Variants in SLC1A7 observed in about 807,000 individuals in gnomAD.
The protein encoded by SLC1A7 is solute carrier family 1 member 7.
SLC1A7 carries 40 observed loss-of-function variants against 47.7 expected under a neutral mutation model. The observed-to-expected ratio is 0.84, with a 90% confidence interval of 0.65 to 1.09. The LOEUF (loss-of-function observed/expected upper bound fraction) is 1.09. Ranked by LOEUF, SLC1A7 falls within the 50% of genes least tolerant of loss-of-function variation. The probability of loss-of-function intolerance (pLI) is 0.00; values close to 1 mark genes in which losing one functional copy is unlikely to be tolerated. For missense variants in SLC1A7, 746 were observed against 769.5 expected (o/e 0.97, Z 0.36); for synonymous variants, 323 against 325.6 (o/e 0.99, Z 0.09).
chr1:53,110,880 C>G (rs1644694911), intron 3 of SLC1A7, among the ~76,000 whole-genome samples: 1 of 152,090 alleles, frequency 6.6e-6, no homozygotes, highest in African/African-American at 2.4e-5. Context: ...GGCACATTCT[C>G]CCTGGACCAT....
intron 5 of SLC1A7, among the ~76,000 whole-genome samples, chr1:53,098,139 C>A (rs1442023034): frequency 2.0e-5 from 3 of 149,564 alleles, no homozygotes; most frequent in African/African-American, 7.4e-5. Context: ...GTACACACAC[C>A]ACGTCTTGGT....
chr1:53,113,166 A>C (rs1644717999), intron 3 of SLC1A7, among the ~76,000 whole-genome samples: 1 of 152,196 alleles, frequency 6.6e-6, no homozygotes, highest in Admixed American at 6.5e-5. Context: ...TTGACCAGGA[A>C]GTGAGAGGTA....
At chr1:53,104,326 A>G (rs1412769887) in intron 4 of SLC1A7, among the ~76,000 whole-genome samples, 1 of 152,244 alleles carries the variant, frequency 6.6e-6, no homozygotes, top group Non-Finnish European at 1.5e-5. Context: ...GTTAAGCCCC[A>G]TGGAAGCATT....
At chr1:53,096,007 ACACT>A (rs1359318352) in intron 5 of SLC1A7, among the ~76,000 whole-genome samples, 1 of 145,286 alleles carries the variant, frequency 6.9e-6, no homozygotes, top group African/African-American at 2.6e-5. Context: ...CCGCCTCAGT[ACACT>A]CACTCCACCT....
chr1:53,101,617 CACCTCA>C, intron 5 of SLC1A7, among the ~76,000 whole-genome samples: 1 of 149,288 alleles, frequency 6.7e-6, no homozygotes, highest in African/African-American at 2.5e-5. Flanking sequence ...TCACACACCC[CACCTCA>C]GTACACTCAC....
At position 53,090,537 on chromosome 1, in the gene SLC1A7, C is replaced by G. The variant is rs566766027; in HGVS notation, c.1226+75G>C. ...AGGCTCGCTCGCTTCAGATACCCCT[C>G]AAGTCTGGGAGCCTGGGAATCCCCA... On this transcript the variant is annotated intron_variant, in intron 8 of 10. Transcript: ENST00000371494. 349 of 1,462,632 alleles carry G rather than the reference C, an allele frequency of 2.4e-4. 1 individual carries two copies. In the Middle Eastern group the frequency reaches 8.1e-3, roughly 34 times the overall value. 90.6% of individuals were successfully genotyped at this position (1,462,632 alleles called of 1,614,324 possible).
intron 3 of SLC1A7, among the ~76,000 whole-genome samples, chr1:53,109,170 C>G (rs948698464): frequency 1.3e-5 from 2 of 152,044 alleles, no homozygotes; most frequent in Non-Finnish European, 2.9e-5. Flanking sequence ...CTTGCAAATT[C>G]TCACCGAGAT....
At chr1:53,092,518 C>T in intron 7 of SLC1A7, 36 bp downstream of exon 7, 1 of 1,497,550 alleles carries the variant, frequency 6.7e-7, no homozygotes, top group Non-Finnish European at 9.3e-7. Context: ...TCAGCCCCTC[C>T]CAGCTCCCCA....
chr1:53,108,547 G>A (rs896416624), intron 3 of SLC1A7: 4 of 717,770 alleles, frequency 5.6e-6, no homozygotes, highest in East Asian at 2.7e-5. Context: ...AGTGGAAGTC[G>A]TTGGGTGGTG....
intron 2 of SLC1A7, among the ~76,000 whole-genome samples, chr1:53,122,318 G>A (rs1272235957): frequency 6.6e-6 from 1 of 152,198 alleles, no homozygotes; most frequent in Non-Finnish European, 1.5e-5. Context: ...CCCAAGCCCT[G>A]CAGCCAAGTC....
intron 1 of SLC1A7, among the ~76,000 whole-genome samples, chr1:53,138,482 G>A (rs559688298): frequency 1.1e-3 from 167 of 148,202 alleles, no homozygotes; most frequent in African/African-American, 4.0e-3. Flanking sequence ...ATTTATTTTT[G>A]TTCTAGTTTC....
At chr1:53,123,578 G>T (rs114119729) in intron 2 of SLC1A7, among the ~76,000 whole-genome samples, 6 of 152,222 alleles carry the variant, frequency 3.9e-5, no homozygotes, top group Non-Finnish European at 5.9e-5. Context: ...CAACCCGGGG[G>T]TGGGGGTAGC....
chr1:53,132,489 A>G (rs1288357), intron 2 of SLC1A7, among the ~76,000 whole-genome samples: 139,426 of 152,094 alleles, frequency 0.92, 64,054 homozygotes, highest in East Asian at 1. Flanking sequence ...TGCCATTTGC[A>G]GACAAGAAGA....
Position 53,090,800 on chromosome 1 carries a change from G to A in SLC1A7, c.1038C>T (p.Ala346=). 1 of 1,611,070 alleles carries A rather than the reference G, an allele frequency of 6.2e-7. No homozygotes were observed. Among genetic ancestry groups the A allele is most frequent in the Non-Finnish European group, 8.5e-7 (1 of 1,178,716 alleles). Residue 346 remains alanine (A), a synonymous_variant, in exon 8 of 11, where the codon GCC becomes GCT. Transcript: ENST00000371494. The part of the protein sequence containing the change: ...LIALATSSSS[A]TLPITFKCLL... The stretch of plus-strand genomic sequence containing the variant: ...GGCACTTGAAGGTGATGGGCAGTGT[G>A]GCTGAGCTACGGTTAGAGGGGCCGG...
At chr1:53,093,069 G>A (rs1420997067) in intron 6 of SLC1A7, among the ~76,000 whole-genome samples, 1 of 152,234 alleles carries the variant, frequency 6.6e-6, no homozygotes. Context: ...CAGTGCGCCT[G>A]GGCAGCCCTC....
intron 4 of SLC1A7, among the ~76,000 whole-genome samples, chr1:53,105,115 T>TCATA (rs1470328780): frequency 2.6e-5 from 4 of 152,210 alleles, no homozygotes; most frequent in Non-Finnish European, 4.4e-5. Context: ...ATAATATTAT[T>TCATA]TAAAAATAAG....
chr1:53,110,756 C>T (rs1039439004), intron 3 of SLC1A7, among the ~76,000 whole-genome samples: 1 of 152,116 alleles, frequency 6.6e-6, no homozygotes, highest in Non-Finnish European at 1.5e-5. Flanking sequence ...TTAGGATGTT[C>T]ACTCTCCTAG....
chr1:53,112,900 G>A (rs1196928562), intron 3 of SLC1A7, among the ~76,000 whole-genome samples: 2 of 152,190 alleles, frequency 1.3e-5, no homozygotes, highest in African/African-American at 4.8e-5. Context: ...ACCCATAGAA[G>A]TAGTCCTGGA....
At chr1:53,133,051 A>C (rs147898300) in intron 2 of SLC1A7, among the ~76,000 whole-genome samples, 69 of 152,282 alleles carry the variant, frequency 4.5e-4, no homozygotes, top group African/African-American at 1.6e-3. Context: ...GTAGAAGGAG[A>C]GAGACCAAGA....
Sources: allele counts gnomAD v4.1 joint callset (sites outside exome capture counted in the v4.1 genomes callset), GRCh38; gene constraint gnomAD v4.1.1; transcripts MANE v1.5; gene names NCBI Gene and HGNC (gene_info 2026-07-23, HGNC 2026-07-21).